The following FRMD5 variants were observed in gnomAD, a reference collection of about 807,000 sequenced individuals.
FRMD5 encodes FERM domain-containing protein 5.
In FRMD5, 20 loss-of-function variants were observed where a neutral mutation model predicts 69.0. The observed-to-expected ratio is 0.29, with a 90% CI of 0.20 to 0.42. FRMD5 has a LOEUF of 0.42. Ranked by LOEUF, FRMD5 falls within the 10% of genes least tolerant of loss-of-function variation. The probability of loss-of-function intolerance (pLI) is 1.00; values close to 1 mark genes in which losing one functional copy is unlikely to be tolerated. For synonymous variants in FRMD5, 271 were observed against 260.1 expected (o/e 1.04, Z -0.40); for missense variants, 595 against 708.6 (o/e 0.84, Z 1.82).
intron 1 of FRMD5, among the ~76,000 whole-genome samples, chr15:44,134,019 C>T (rs1297295028): frequency 6.6e-6 from 1 of 152,008 alleles, no homozygotes; most frequent in African/African-American, 2.4e-5. Flanking sequence ...TATGGATGGT[C>T]AAGGAACTCT....
chr15:43,903,072 C>G (rs1488749133), intron 6 of FRMD5, among the ~76,000 whole-genome samples: 1 of 152,252 alleles, frequency 6.6e-6, no homozygotes, highest in African/African-American at 2.4e-5. Flanking sequence ...TCCAGGCCAT[C>G]TGAAGGGGCC....
At chr15:43,877,820 G>C (rs2088406892) in intron 13 of FRMD5, among the ~76,000 whole-genome samples, 2 of 152,188 alleles carry the variant, frequency 1.3e-5, no homozygotes, top group Non-Finnish European at 2.9e-5. Context: ...GAAGTCATGT[G>C]GTTGGCAGTT....
At position 44,068,516 on chromosome 15, in the gene FRMD5, G is replaced by A. The variant is rs1018281779; in HGVS notation, c.102+126437C>T. On this transcript the variant is annotated intron_variant, in intron 1 of 13. Coordinates refer to ENST00000417257, the MANE Select transcript of FRMD5 (RefSeq NM_032892.5). Reference sequence around the variant, plus strand: ...AAAAGGCCACTTAGTGCAGAATTCCGTTTATATGAAATGTCCACAATAGGC... The same window carrying A: ...AAAAGGCCACTTAGTGCAGAATTCCATTTATATGAAATGTCCACAATAGGC... Among the ~76,000 whole-genome samples, 8 of 152,236 alleles carry A rather than the reference G, an allele frequency of 5.3e-5. No homozygotes were observed. In the South Asian group the frequency reaches 6.2e-4, roughly 12 times the overall value.
chr15:43,909,948 G>C lies in FRMD5; in HGVS notation c.361C>G (p.Leu121Val). The C allele has an allele frequency of 3.7e-6, 6 of 1,610,616 alleles. No homozygotes were observed. The highest frequency in any genetic ancestry group is 4.2e-6 in the Non-Finnish European group (5 of 1,177,066). The stretch of plus-strand genomic sequence containing the variant: ...TTACAGAGGAGTCGGCCATGGTAGA[G>C]ATCCCTTTTGATCTGCAGGAAGACT... ...YLVFLQIKRDLYHGRLLCKTS... is the reference protein window; with the variant it reads ...YLVFLQIKRDVYHGRLLCKTS... Residue 121 changes from leucine (L) to valine (V), a missense_variant, in exon 5 of 14, where the codon CTC (leucine) becomes GTC (valine). Coordinates refer to ENST00000417257, the MANE Select transcript of FRMD5 (RefSeq NM_032892.5).
intron 6 of FRMD5, among the ~76,000 whole-genome samples, chr15:43,903,981 CAG>C (rs759782459): frequency 8.5e-5 from 13 of 152,184 alleles, no homozygotes; most frequent in Non-Finnish European, 1.6e-4. Context: ...TATTCCCTAA[CAG>C]AGTGACTTGA....
intron 1 of FRMD5, among the ~76,000 whole-genome samples, chr15:44,147,236 T>A (rs533267116): frequency 6.6e-6 from 1 of 152,324 alleles, no homozygotes; most frequent in South Asian, 2.1e-4. Flanking sequence ...CACCATTTAT[T>A]AAATAGGGAA....
chr15:43,953,714 T>C (rs2090072696), intron 1 of FRMD5, among the ~76,000 whole-genome samples: 1 of 152,238 alleles, frequency 6.6e-6, no homozygotes, highest in Non-Finnish European at 1.5e-5. Context: ...CAGAGAGTGA[T>C]AACAGGTTTC....
In FRMD5 at chr15:44,136,847, A is replaced by C. The variant is rs1384136239; in HGVS notation, c.102+58106T>G. ...ATATAAGTAACAGATAATTCTTGTT[A>C]AAATGGCTGTGTAGGTTCATACTTT... On this transcript the variant is annotated intron_variant, in intron 1 of 13. Coordinates refer to ENST00000417257, the MANE Select transcript of FRMD5 (RefSeq NM_032892.5). Among the ~76,000 whole-genome samples the C allele has an allele frequency of 2.0e-5, 3 of 152,218 alleles. No homozygotes were observed. In the East Asian group the frequency reaches 5.8e-4, roughly 29 times the overall value.
At chr15:44,162,067 C>T (rs148267275) in intron 1 of FRMD5, among the ~76,000 whole-genome samples, 91 of 152,152 alleles carry the variant, frequency 6.0e-4, no homozygotes, top group African/African-American at 2.1e-3. Context: ...CAGGTTCAAG[C>T]GATTCTCCTG....
chr15:43,876,853 A>G (rs2088374328), intron 13 of FRMD5, among the ~76,000 whole-genome samples: 1 of 152,170 alleles, frequency 6.6e-6, no homozygotes, highest in Non-Finnish European at 1.5e-5. Context: ...AGAGCACAAA[A>G]CAGTTTGAGA....
intron 1 of FRMD5, among the ~76,000 whole-genome samples, chr15:43,979,726 T>G (rs867594482): frequency 6.6e-6 from 1 of 152,258 alleles, no homozygotes; most frequent in Non-Finnish European, 1.5e-5. Flanking sequence ...AATATTTTTA[T>G]ATATTTTCTG....
chr15:43,970,888 A>T (rs2090365257), intron 1 of FRMD5, among the ~76,000 whole-genome samples: 1 of 152,208 alleles, frequency 6.6e-6, no homozygotes, highest in Admixed American at 6.5e-5. Context: ...TGAGAATGTA[A>T]AAGATGAAAA....
intron 7 of FRMD5, 21 bp downstream of exon 7, chr15:43,902,150 GCAGT>G: frequency 6.4e-7 from 1 of 1,559,562 alleles, no homozygotes; most frequent in South Asian, 1.1e-5. Flanking sequence ...GAAAGGTCAT[GCAGT>G]CTCCAACCAG....
chr15:44,153,985 G>A (rs1253956955), intron 1 of FRMD5, among the ~76,000 whole-genome samples: 2 of 151,792 alleles, frequency 1.3e-5, no homozygotes, highest in Non-Finnish European at 2.9e-5. Flanking sequence ...TGGCTAAGAT[G>A]GTAAATTTTA....
At chr15:44,047,033 G>A (rs1892456169) in intron 1 of FRMD5, among the ~76,000 whole-genome samples, 2 of 152,144 alleles carry the variant, frequency 1.3e-5, no homozygotes, top group Admixed American at 6.6e-5. Flanking sequence ...AAGGCCAGGC[G>A]CAGTGGCTCA....
At position 44,098,120 on chromosome 15, in the gene FRMD5, A is replaced by AAAAAAACAAC. The variant is rs1555403632; in HGVS notation, c.102+96832_102+96833insGTTGTTTTTT. On this transcript the variant is annotated intron_variant, in intron 1 of 13. Transcript: ENST00000417257. ...AAAAGTTCAGAGTGACAAAACAAAA[A>AAAAAAACAAC]AAAAAAAACTAAACAACAACAACAA... Among the ~76,000 whole-genome samples, 3 of 142,272 alleles carry AAAAAAACAAC rather than the reference A, an allele frequency of 2.1e-5. No homozygotes were observed. The East Asian group carries it at 6.1e-4, about 29-fold the overall frequency. The allele number at this position is 142,272 out of a possible 152,430, so 93.3% of individuals were successfully genotyped here. A position where few individuals can be genotyped will look rare whatever the true frequency, so the allele number is the denominator to read the frequency against.
chr15:44,160,833 T>C (rs1037444284), intron 1 of FRMD5, among the ~76,000 whole-genome samples: 4 of 152,240 alleles, frequency 2.6e-5, no homozygotes, highest in African/African-American at 9.6e-5. Context: ...CTTTAGATTT[T>C]TGTTTAAATC....
chr15:44,195,324 T>G, upstream of FRMD5: 3 of 487,896 alleles, frequency 6.1e-6, no homozygotes, highest in Non-Finnish European at 1.1e-5. Context: ...GGGCCTCAAC[T>G]GGAGGGGGCC....
chr15:44,085,745 G>A (rs1894171495), intron 1 of FRMD5, among the ~76,000 whole-genome samples: 1 of 152,296 alleles, frequency 6.6e-6, no homozygotes, highest in Middle Eastern at 3.4e-3. Flanking sequence ...AACCAAACCT[G>A]AGGAAGAGAG....
Sources: gnomAD v4.1 joint callset for allele counts (sites outside exome capture counted in the v4.1 genomes callset) on GRCh38, gnomAD v4.1.1 for gene constraint, MANE v1.5 for transcripts, NCBI Gene and HGNC (gene_info 2026-07-23, HGNC 2026-07-21) for gene names.